CCDC169: variants seen among roughly 807,000 people sequenced by gnomAD.
The protein encoded by CCDC169 is coiled-coil domain containing 169.
CCDC169 carries 30 observed loss-of-function variants against 36.0 expected under a neutral mutation model. The observed-to-expected ratio is 0.83, with a 90% CI of 0.62 to 1.13. The LOEUF (loss-of-function observed/expected upper bound fraction) is 1.13. Ranked by LOEUF, CCDC169 falls within the 50% of genes most tolerant of loss-of-function variation. The pLI, the probability that CCDC169 is intolerant of heterozygous loss-of-function variation, is 0.00. For missense variants in CCDC169, 245 were observed against 245.9 expected, an observed-to-expected ratio of 1.00 and a Z score of 0.03; for synonymous variants, 85 against 81.5, an observed-to-expected ratio of 1.04 and a Z score of -0.23.
At chr13:36,260,656 T>C (rs1874495570) in intron 4 of CCDC169, among the ~76,000 whole-genome samples, 1 of 152,190 alleles carries the variant, frequency 6.6e-6, no homozygotes, top group Admixed American at 6.5e-5. Flanking sequence ...GTTAAGGTCT[T>C]ACAACTGGTC....
chr13:36,289,822 G>A (rs1419069318), intron 2 of CCDC169, among the ~76,000 whole-genome samples: 1 of 152,114 alleles, frequency 6.6e-6, no homozygotes, highest in Non-Finnish European at 1.5e-5. Context: ...GGTTTACAAT[G>A]ACCTGTGGAT....
chr13:36,241,946 C>A (rs559523489), intron 7 of CCDC169, among the ~76,000 whole-genome samples: 1 of 152,160 alleles, frequency 6.6e-6, no homozygotes, highest in Admixed American at 6.5e-5. Flanking sequence ...TGGGTTCTCA[C>A]GAAATCTGGT....
chr13:36,269,830 G>C (rs1185113120), intron 4 of CCDC169, among the ~76,000 whole-genome samples: 7 of 152,112 alleles, frequency 4.6e-5, no homozygotes, highest in African/African-American at 1.7e-4. Context: ...ACTGAACGGG[G>C]AGAAGTTGAA....
intron 7 of CCDC169, among the ~76,000 whole-genome samples, chr13:36,242,719 G>C (rs1871987917): frequency 6.6e-6 from 1 of 152,138 alleles, no homozygotes; most frequent in Non-Finnish European, 1.5e-5. Flanking sequence ...GGAAGTGATT[G>C]ATCTGGGATC....
downstream of CCDC169, among the ~76,000 whole-genome samples, chr13:36,230,220 C>T (rs1202665055): frequency 6.6e-6 from 1 of 152,164 alleles, no homozygotes. Context: ...TAGCTGGAAA[C>T]TATACTTACC....
At chr13:36,242,237 A>G (rs1309968408) in intron 7 of CCDC169, among the ~76,000 whole-genome samples, 2 of 152,232 alleles carry the variant, frequency 1.3e-5, no homozygotes, top group Non-Finnish European at 2.9e-5. Context: ...ATGTATGAGA[A>G]TCCCCTATTC....
intron 7 of CCDC169, chr13:36,244,374 T>C (rs1872228040): frequency 6.6e-6 from 1 of 152,226 alleles, no homozygotes; most frequent in Non-Finnish European, 1.5e-5. Context: ...AAGAAGCCTA[T>C]GTGATCTGCT....
chr13:36,228,866 G>A, downstream of CCDC169, among the ~76,000 whole-genome samples: 1 of 152,090 alleles, frequency 6.6e-6, no homozygotes, highest in South Asian at 2.1e-4. Flanking sequence ...TTTTCTTTAT[G>A]ACAAAATTAT....
At chr13:36,288,263 C>T (rs150913030) in intron 2 of CCDC169, among the ~76,000 whole-genome samples, 12 of 152,266 alleles carry the variant, frequency 7.9e-5, no homozygotes, top group African/African-American at 2.4e-4. Flanking sequence ...ATCCGCCCGC[C>T]GCAGCCTCCC....
intron 7 of CCDC169, among the ~76,000 whole-genome samples, chr13:36,239,415 AT>A (rs1871487712): frequency 6.6e-6 from 1 of 152,138 alleles, no homozygotes; most frequent in Non-Finnish European, 1.5e-5. Context: ...GCTCCTGAGT[AT>A]TATGATTTTT....
chr13:36,253,970 T>C, intron 5 of CCDC169, 75 bp downstream of exon 5: 3 of 1,534,404 alleles, frequency 2.0e-6, no homozygotes, highest in Non-Finnish European at 2.6e-6. Flanking sequence ...GTGTTAATTA[T>C]AGAGTAGGTT....
At chr13:36,227,203 A>T, downstream of CCDC169, 1 of 1,528,702 alleles carries the variant, frequency 6.5e-7, no homozygotes, top group Non-Finnish European at 8.8e-7. Context: ...TTTTACTTTT[A>T]GCTCTTCAGG....
intron 4 of CCDC169, chr13:36,282,345 A>G (rs1877636120): frequency 1.0e-6 from 1 of 976,866 alleles, no homozygotes. Flanking sequence ...TCAAAGAATA[A>G]GACTTAGTTT....
rs1279280240 is a variant in CCDC169 at position 36,253,856 on chromosome 13, C to A, written c.415G>T (p.Ala139Ser). ...CGTTCATTGTTGATCTTCTGGTAAG[C>A]CTGTGTGAAGATACAAAAGCAAAGG... The part of the protein sequence containing the change: ...YALKLEQESK[A>S]YQKINNERRT... Residue 139 changes from alanine to serine, a missense_variant and splice_region_variant, in exon 6 of 8, where the codon GCT (alanine) becomes TCT (serine). Coordinates refer to ENST00000239859, the MANE Select transcript of CCDC169 (RefSeq NM_001144981.3). The A allele has an allele frequency of 1.3e-6, 2 of 1,550,944 alleles. No homozygotes were observed. The highest frequency in any genetic ancestry group is 2.7e-5 in the African/African-American group (2 of 73,102).
At chr13:36,262,609 A>G (rs1039320529) in intron 4 of CCDC169, among the ~76,000 whole-genome samples, 3 of 152,328 alleles carry the variant, frequency 2.0e-5, no homozygotes, top group African/African-American at 4.8e-5. Flanking sequence ...CCCTGCCCCA[A>G]CTGAAAGGAT....
At chr13:36,262,793 C>T (rs1311943964) in intron 4 of CCDC169, among the ~76,000 whole-genome samples, 5 of 152,144 alleles carry the variant, frequency 3.3e-5, no homozygotes, top group Non-Finnish European at 7.4e-5. Flanking sequence ...GTCTCTGTGC[C>T]CAGCTCTGGA....
In CCDC169 at chr13:36,297,636, C is replaced by T. The variant is rs1279164728; in HGVS notation, c.83+1G>A. On this transcript the variant is annotated splice_donor_variant, in intron 1 of 7. Coordinates refer to ENST00000239859, the MANE Select transcript of CCDC169 (RefSeq NM_001144981.3). LOFTEE classifies it high-confidence loss of function. Reference sequence around the variant, plus strand: ...CCACACCGCGCCGCCCGCCGACTCACTTCTTGCGGACTTCTTCCAGCAACT... The same window carrying T: ...CCACACCGCGCCGCCCGCCGACTCATTTCTTGCGGACTTCTTCCAGCAACT... The T allele has an allele frequency of 4.5e-6, 7 of 1,550,402 alleles. No individual in the cohort carries two copies. The highest frequency in any genetic ancestry group is 5.2e-6 in the Non-Finnish European group (6 of 1,147,008).
In CCDC169 at chr13:36,253,841, T is replaced by C. The variant is rs1873485253; in HGVS notation, c.430A>G (p.Asn144Asp). ...GCTAGGTATGTACGGCGTTCATTGT[T>C]GATCTTCTGGTAAGCCTGTGTGAAG... Reference protein sequence around the residue: ...EQESKAYQKINNERRTYLAEM... With the variant: ...EQESKAYQKIDNERRTYLAEM... The change falls in exon 6 of 8, where the codon AAC becomes GAC. Residue 144 changes from asparagine to aspartate, a missense_variant. Asn to Asp is a conservative substitution (Grantham distance 23). Coordinates refer to ENST00000239859, the MANE Select transcript of CCDC169 (RefSeq NM_001144981.3). 4 of 1,551,286 alleles carry C rather than the reference T, an allele frequency of 2.6e-6. No individual in the cohort carries two copies. The highest frequency in any genetic ancestry group is 2.7e-5 in the African/African-American group (2 of 73,152).
chr13:36,284,916 C>G (rs780679313), intron 2 of CCDC169, among the ~76,000 whole-genome samples: 1 of 152,112 alleles, frequency 6.6e-6, no homozygotes, highest in Non-Finnish European at 1.5e-5. Flanking sequence ...GGATGGAACC[C>G]CCTCCCATAC....
Sources: allele counts gnomAD v4.1 joint callset (sites outside exome capture counted in the v4.1 genomes callset), GRCh38; gene constraint gnomAD v4.1.1; transcripts MANE v1.5; gene names NCBI Gene and HGNC (gene_info 2026-07-23, HGNC 2026-07-21).